The following ROBO2 variants were observed in gnomAD, a reference collection of about 807,000 sequenced individuals.
ROBO2 encodes roundabout homolog 2.
A neutral mutation model predicts 160.8 loss-of-function variants in ROBO2; 53 were observed. That is an observed-to-expected ratio of 0.33 (90% CI 0.26 to 0.41). ROBO2 has a LOEUF of 0.41. Among genes scored for constraint, ROBO2 ranks in the 10% least tolerant of loss-of-function variants. The pLI is 1.00. For missense variants in ROBO2, 1,577 were observed against 1,722.4 expected, an observed-to-expected ratio of 0.92 and a Z score of 1.49; for synonymous variants, 664 against 611.7, an observed-to-expected ratio of 1.09 and a Z score of -1.26.
chr3:75,971,296 A>G (rs560113731), intron 2 of ROBO2, among the ~76,000 whole-genome samples: 256 of 151,670 alleles, frequency 1.7e-3, no homozygotes, highest in Non-Finnish European at 3.2e-3. Context: ...ATGAGGTATC[A>G]TCTCTCTCAG....
chr3:76,795,202 T>G (rs1402241657), intron 2 of ROBO2, among the ~76,000 whole-genome samples: 1 of 152,124 alleles, frequency 6.6e-6, no homozygotes, highest in Non-Finnish European at 1.5e-5. Flanking sequence ...TCCTTGATAT[T>G]GATGGCTGCT....
intron 2 of ROBO2, among the ~76,000 whole-genome samples, chr3:76,545,911 A>AC (rs2083072683): frequency 6.6e-6 from 1 of 151,798 alleles, no homozygotes; most frequent in African/African-American, 2.4e-5. Context: ...CGAAAACAGT[A>AC]TATTTCCATG....
chr3:76,295,315 C>A (rs1709011607), intron 2 of ROBO2, among the ~76,000 whole-genome samples: 1 of 152,010 alleles, frequency 6.6e-6, no homozygotes, highest in South Asian at 2.1e-4. Flanking sequence ...AATCACTGTT[C>A]TAAAAGAGCC....
At position 77,372,298 on chromosome 3, in the gene ROBO2, A is replaced by G. The variant is rs983408208; in HGVS notation, c.389-105116A>G. On this transcript the variant is annotated intron_variant, in intron 2 of 25. Transcript: ENST00000461745. ...ATCAGGAAGAGGATATTAAACGGAA[A>G]AGAGATGCATAAATCAATATCGTCT... Among the ~76,000 whole-genome samples the G allele has an allele frequency of 2.0e-5, 3 of 152,294 alleles. No homozygotes were observed. The Middle Eastern group carries it at 0.01, about 518-fold the overall frequency.
chr3:77,424,931 C>T (rs994801037), intron 2 of ROBO2, among the ~76,000 whole-genome samples: 1 of 152,080 alleles, frequency 6.6e-6, no homozygotes, highest in Non-Finnish European at 1.5e-5. Flanking sequence ...GCTCTAAAAT[C>T]CTCCTTAGAA....
At chr3:77,600,519 G>A (rs1410391893) in intron 19 of ROBO2, among the ~76,000 whole-genome samples, 6 of 152,168 alleles carry the variant, frequency 3.9e-5, no homozygotes, top group African/African-American at 1.4e-4. Context: ...TGAGCACACA[G>A]CCATTTGAAA....
At chr3:76,914,720 A>G (rs1038395710) in intron 2 of ROBO2, among the ~76,000 whole-genome samples, 1 of 152,170 alleles carries the variant, frequency 6.6e-6, no homozygotes, top group East Asian at 1.9e-4. Context: ...TTTTGACTAC[A>G]CCAAGATGAA....
chr3:77,271,495 T>C (rs2059487681), intron 2 of ROBO2, among the ~76,000 whole-genome samples: 1 of 152,214 alleles, frequency 6.6e-6, no homozygotes, highest in Non-Finnish European at 1.5e-5. Flanking sequence ...AAGTAACAGC[T>C]GAAGGATTAA....
At chr3:76,436,094 A>G (rs1371524085) in intron 2 of ROBO2, among the ~76,000 whole-genome samples, 4 of 149,372 alleles carry the variant, frequency 2.7e-5, no homozygotes, top group East Asian at 2.0e-4. Flanking sequence ...GGAGTCTTGG[A>G]CCCTTTCTTT....
At chr3:77,395,769 G>A (rs1052833092) in intron 2 of ROBO2, among the ~76,000 whole-genome samples, 1 of 151,998 alleles carries the variant, frequency 6.6e-6, no homozygotes, top group Non-Finnish European at 1.5e-5. Context: ...AATTTAATAT[G>A]CGATGCATGA....
chr3:76,624,276 G>T (rs957427059), intron 2 of ROBO2, among the ~76,000 whole-genome samples: 2 of 152,072 alleles, frequency 1.3e-5, no homozygotes, highest in East Asian at 3.9e-4. Flanking sequence ...GTCAAGAACG[G>T]GCAGAACCTG....
At chr3:76,882,291 G>C (rs181676091) in intron 2 of ROBO2, among the ~76,000 whole-genome samples, 1 of 152,034 alleles carries the variant, frequency 6.6e-6, no homozygotes, top group Non-Finnish European at 1.5e-5. Context: ...ACAAATTCTC[G>C]CAGAGGTGAA....
Position 76,751,416 on chromosome 3 carries a change from C to G in ROBO2, c.110-346598C>G, listed in dbSNP as rs146284684. 8.5e-4 allele frequency among the ~76,000 whole-genome samples: 129 copies of G among 152,106 alleles called. 3 individuals carry two copies. In the East Asian group the frequency reaches 0.021, roughly 24 times the overall value. On this transcript the variant is annotated intron_variant, in intron 2 of 26. Coordinates refer to the ROBO2 transcript ENST00000487694. The stretch of plus-strand genomic sequence containing the variant: ...GGGCAAGGATTTCATGTCTAAAACA[C>G]CAAAAGTAACAACAACAAAAGTCAA...
intron 1 of ROBO2, among the ~76,000 whole-genome samples, chr3:77,089,197 A>C (rs2069778807): frequency 6.6e-6 from 1 of 152,202 alleles, no homozygotes; most frequent in Admixed American, 6.5e-5. Context: ...AAGAAGAAAA[A>C]GTCATCCTGA....
At chr3:76,871,306 G>T (rs9822533) in intron 2 of ROBO2, among the ~76,000 whole-genome samples, 6,987 of 152,148 alleles carry the variant, frequency 0.046, 362 homozygotes, top group African/African-American at 0.12. Flanking sequence ...TGTAATCCCA[G>T]CACTTTGGGA....
chr3:76,448,663 G>A (rs2077322038), intron 2 of ROBO2, among the ~76,000 whole-genome samples: 1 of 152,122 alleles, frequency 6.6e-6, no homozygotes, highest in South Asian at 2.1e-4. Flanking sequence ...ACATTTTTAA[G>A]AAGTACATAA....
intron 2 of ROBO2, among the ~76,000 whole-genome samples, chr3:76,596,574 T>A (rs1291238459): frequency 6.6e-6 from 1 of 152,110 alleles, no homozygotes; most frequent in Admixed American, 6.6e-5. Context: ...AATCACAAGC[T>A]GAGAAAACAC....
At chr3:77,573,192 G>C (rs1359891551) in intron 13 of ROBO2, among the ~76,000 whole-genome samples, 1 of 151,796 alleles carries the variant, frequency 6.6e-6, no homozygotes, top group African/African-American at 2.4e-5. Flanking sequence ...TTTAAATCAA[G>C]TGTTTCTAAA....
chr3:77,448,747 C>A (rs923624035), intron 2 of ROBO2, among the ~76,000 whole-genome samples: 1 of 145,368 alleles, frequency 6.9e-6, no homozygotes, highest in Admixed American at 6.8e-5. Flanking sequence ...GGAACCACAT[C>A]CCTTATTGAA....
Sources: allele counts gnomAD v4.1 joint callset (sites outside exome capture counted in the v4.1 genomes callset), GRCh38; gene constraint gnomAD v4.1.1; transcripts MANE v1.5; gene names NCBI Gene and HGNC (gene_info 2026-07-23, HGNC 2026-07-21).